Variants in PDE4D observed in about 807,000 individuals in gnomAD.
PDE4D encodes the protein 3',5'-cyclic-AMP phosphodiesterase 4D.
In PDE4D, 24 loss-of-function variants were observed where a neutral mutation model predicts 87.4. The observed-to-expected ratio is 0.27, with a 90% confidence interval of 0.20 to 0.39. PDE4D has a LOEUF of 0.39. Ranked by LOEUF, PDE4D falls within the 10% of genes least tolerant of loss-of-function variation. The probability of loss-of-function intolerance (pLI) is 1.00; values close to 1 mark genes in which losing one functional copy is unlikely to be tolerated. For missense variants in PDE4D, 714 were observed against 1,041.0 expected (o/e 0.69, Z 4.32); for synonymous variants, 384 against 383.2 (o/e 1.00, Z -0.02).
At chr5:59,160,545 C>T (rs1051213702) in intron 5 of PDE4D, among the ~76,000 whole-genome samples, 3 of 151,952 alleles carry the variant, frequency 2.0e-5, no homozygotes, top group Non-Finnish European at 4.4e-5. Context: ...GATCTCACTG[C>T]GCTGCCCAGG....
intron 6 of PDE4D, among the ~76,000 whole-genome samples, chr5:59,033,535 G>T (rs995964509): frequency 1.3e-5 from 2 of 152,128 alleles, no homozygotes; most frequent in Non-Finnish European, 2.9e-5. Flanking sequence ...TGAATCCACT[G>T]AAAATAATGA....
At chr5:59,970,519 C>T (rs1760604842) in intron 3 of PDE4D, among the ~76,000 whole-genome samples, 1 of 152,104 alleles carries the variant, frequency 6.6e-6, no homozygotes. Context: ...AAGAAAAAAA[C>T]AAACAACCCC....
At chr5:60,517,548 T>C (rs1750855620) in intron 1 of PDE4D, among the ~76,000 whole-genome samples, 1 of 152,208 alleles carries the variant, frequency 6.6e-6, no homozygotes, top group Non-Finnish European at 1.5e-5. Context: ...TTGGAACAAC[T>C]GGCCTGCAGA....
intron 1 of PDE4D, among the ~76,000 whole-genome samples, chr5:60,316,630 T>G (rs1313775297): frequency 6.6e-6 from 1 of 152,206 alleles, no homozygotes; most frequent in South Asian, 2.1e-4. Flanking sequence ...GGGTTTGTCA[T>G]AGATAGCTCT....
intron 1 of PDE4D, among the ~76,000 whole-genome samples, chr5:60,204,635 G>T (rs1742297519): frequency 6.8e-6 from 1 of 147,084 alleles, no homozygotes; most frequent in Non-Finnish European, 1.5e-5. Context: ...ATAACAAGTG[G>T]TAGAGGTGAG....
chr5:60,024,999 T>C (rs1164486728), intron 2 of PDE4D, among the ~76,000 whole-genome samples: 1 of 152,114 alleles, frequency 6.6e-6, no homozygotes, highest in African/African-American at 2.4e-5. Flanking sequence ...GAGCTCTGTG[T>C]GGGCAAGTTA....
At chr5:59,473,325 A>C (rs954263020) in intron 1 of PDE4D, among the ~76,000 whole-genome samples, 2 of 152,086 alleles carry the variant, frequency 1.3e-5, no homozygotes, top group Non-Finnish European at 2.9e-5. Flanking sequence ...GAATAGAGAA[A>C]TCACATAACT....
chr5:59,330,384 C>A (rs1204836629), intron 1 of PDE4D, among the ~76,000 whole-genome samples: 1 of 152,034 alleles, frequency 6.6e-6, no homozygotes, highest in East Asian at 1.9e-4. Flanking sequence ...GCTAAACTAG[C>A]CCCAGGCAAC....
intron 1 of PDE4D, among the ~76,000 whole-genome samples, chr5:59,831,763 C>G (rs886435628): frequency 6.6e-6 from 1 of 152,046 alleles, no homozygotes; most frequent in Non-Finnish European, 1.5e-5. Flanking sequence ...TTGCAAAATG[C>G]AGTGCAGGAA....
intron 5 of PDE4D, among the ~76,000 whole-genome samples, chr5:59,115,777 T>C (rs528320071): frequency 2.6e-5 from 4 of 152,280 alleles, no homozygotes; most frequent in Admixed American, 1.3e-4. Flanking sequence ...AATGTACATA[T>C]AGAGAAAAGG....
intron 1 of PDE4D, among the ~76,000 whole-genome samples, chr5:60,479,358 AC>A (rs1748555748): frequency 6.6e-6 from 1 of 152,188 alleles, no homozygotes; most frequent in South Asian, 2.1e-4. Flanking sequence ...TTCCCAAACA[AC>A]TTGGCTTGAC....
intron 2 of PDE4D, among the ~76,000 whole-genome samples, chr5:60,112,425 A>G (rs1333946574): frequency 6.6e-6 from 1 of 152,110 alleles, no homozygotes; most frequent in Non-Finnish European, 1.5e-5. Context: ...CAAAATTTAT[A>G]AAAACAGTAT....
intron 1 of PDE4D, among the ~76,000 whole-genome samples, chr5:59,674,735 CTTAT>C (rs1747781972): frequency 6.6e-6 from 1 of 152,152 alleles, no homozygotes; most frequent in African/African-American, 2.4e-5. Flanking sequence ...ATGAGAAACT[CTTAT>C]TTCTTACTCT....
chr5:59,025,754 G>A (rs1044642714), intron 6 of PDE4D, among the ~76,000 whole-genome samples: 9 of 152,230 alleles, frequency 5.9e-5, no homozygotes, highest in Non-Finnish European at 1.2e-4. Context: ...TTTCTGAAAT[G>A]GAGATGGCAG....
intron 3 of PDE4D, among the ~76,000 whole-genome samples, chr5:59,949,233 C>T (rs1427067099): frequency 6.6e-6 from 1 of 152,034 alleles, no homozygotes; most frequent in East Asian, 1.9e-4. Context: ...AAATCGAGAC[C>T]ATCCTGGCTA....
intron 1 of PDE4D, among the ~76,000 whole-genome samples, chr5:59,389,741 G>A (rs865776507): frequency 6.6e-6 from 1 of 152,144 alleles, no homozygotes; most frequent in African/African-American, 2.4e-5. Flanking sequence ...TAAGTGAAAT[G>A]AGCCAGGCAC....
chr5:60,172,950 C>T (rs561863036), intron 2 of PDE4D, among the ~76,000 whole-genome samples: 129 of 152,228 alleles, frequency 8.5e-4, no homozygotes, highest in Non-Finnish European at 1.6e-3. Flanking sequence ...CCCAACAAGC[C>T]TCCATTCATA....
At chr5:59,988,253 T>G in intron 3 of PDE4D, 1 of 426,294 alleles carries the variant, frequency 2.3e-6, no homozygotes, top group Non-Finnish European at 4.2e-6. Flanking sequence ...GGCAAATGTT[T>G]ATTAGCATTC....
At chr5:59,914,536 A>G (rs942339984) in intron 3 of PDE4D, among the ~76,000 whole-genome samples, 1 of 145,320 alleles carries the variant, frequency 6.9e-6, no homozygotes, top group African/African-American at 2.5e-5. Flanking sequence ...AGGAAGATGT[A>G]TGTGTGTGTG....
Sources: gnomAD v4.1 joint callset for allele counts (sites outside exome capture counted in the v4.1 genomes callset) on GRCh38, gnomAD v4.1.1 for gene constraint, MANE v1.5 for transcripts, NCBI Gene and HGNC (gene_info 2026-07-23, HGNC 2026-07-21) for gene names.